BMP2K: variants seen among roughly 807,000 people sequenced by gnomAD.
BMP2K encodes BMP2 inducible kinase, also known as BMP-2-inducible protein kinase.
In BMP2K, 74 loss-of-function variants were observed where a neutral mutation model predicts 116.0. The observed-to-expected ratio is 0.64, with a 90% CI of 0.53 to 0.77. The LOEUF (loss-of-function observed/expected upper bound fraction) is 0.77, where lower values mean the gene tolerates loss of function less well. Ranked by LOEUF, BMP2K falls within the 30% of genes least tolerant of loss-of-function variation. The probability of loss-of-function intolerance (pLI) is 0.00; values close to 1 mark genes in which losing one functional copy is unlikely to be tolerated. For synonymous variants in BMP2K, 486 were observed against 502.5 expected (o/e 0.97, Z 0.44); for missense variants, 1,365 against 1,403.6 (o/e 0.97, Z 0.44).
Position 78,915,849 on chromosome 4 carries a change from T to C in BMP2K, c.*3816T>C, listed in dbSNP as rs897312972. 1 of 151,946 alleles carries C rather than the reference T, an allele frequency of 6.6e-6. No individual in the cohort carries two copies. The highest frequency in any genetic ancestry group is 2.4e-5 in the African/African-American group (1 of 41,432). 9.4% of individuals were successfully genotyped at this position (151,946 alleles called of 1,614,324 possible). On this transcript the variant is annotated 3_prime_UTR_variant, in exon 16 of 16. Coordinates refer to ENST00000502613, the MANE Select transcript of BMP2K (RefSeq NM_198892.2). The stretch of plus-strand genomic sequence containing the variant: ...TTTATACTGCTACTTTTGAAAGAAT[T>C]GTTTTTATGACTATGCTCTTTTTGT...
chr4:78,785,090 G>A (rs949460776), intron 1 of BMP2K, among the ~76,000 whole-genome samples: 18 of 152,012 alleles, frequency 1.2e-4, no homozygotes, highest in African/African-American at 4.3e-4. Flanking sequence ...TAATCCTAAA[G>A]TATGAAATTA....
chr4:78,796,302 C>T (rs1044757273), intron 1 of BMP2K, among the ~76,000 whole-genome samples: 11 of 148,026 alleles, frequency 7.4e-5, no homozygotes, highest in Admixed American at 2.1e-4. Flanking sequence ...AACCAAACAC[C>T]GCATATTCTC....
intron 14 of BMP2K, chr4:78,879,208 A>T (rs1560542826): frequency 9.5e-7 from 1 of 1,053,920 alleles, no homozygotes; most frequent in Admixed American, 5.6e-5. Context: ...ATAAAAAGGG[A>T]GACATTTTAT....
In BMP2K at chr4:78,912,007, G is replaced by A; in HGVS notation, c.3460G>A (p.Ala1154Thr). Reference protein sequence around the residue: ...SQPVELDPFGAAPFPSKQ With the variant: ...SQPVELDPFGTAPFPSKQ ...ACCAGTCGAATTAGACCCATTTGGT[G>A]CTGCTCCATTTCCTTCTAAACAGTA... is the stretch of plus-strand genomic sequence containing the variant. Residue 1154 changes from alanine to threonine, a missense_variant, in exon 16 of 16, where the codon GCT becomes ACT. By Grantham distance (58) the Ala-to-Thr change is moderately conservative (BLOSUM62 0). Around this residue, in one of 3 missense-constraint regions of BMP2K, gnomAD observed 596 missense variants for 623.2 expected, o/e 0.96. Coordinates refer to ENST00000502613, the MANE Select transcript of BMP2K (RefSeq NM_198892.2). The A allele has an allele frequency of 6.2e-7, 1 of 1,612,546 alleles. No homozygotes were observed. Among genetic ancestry groups the A allele is most frequent in the Non-Finnish European group, 8.5e-7 (1 of 1,179,052 alleles).
intron 1 of BMP2K, among the ~76,000 whole-genome samples, chr4:78,818,581 T>C (rs1729467722): frequency 6.6e-6 from 1 of 152,228 alleles, no homozygotes; most frequent in Non-Finnish European, 1.5e-5. Context: ...AAAAGTGTTT[T>C]ATAAGCTGAT....
At chr4:78,784,766 C>G (rs1440132921) in intron 1 of BMP2K, among the ~76,000 whole-genome samples, 1 of 152,164 alleles carries the variant, frequency 6.6e-6, no homozygotes, top group Non-Finnish European at 1.5e-5. Context: ...TTGGACGCAT[C>G]TATCGGGGAA....
intron 15 of BMP2K, among the ~76,000 whole-genome samples, chr4:78,894,363 C>T (rs1733592323): frequency 6.6e-6 from 1 of 152,192 alleles, no homozygotes; most frequent in South Asian, 2.1e-4. Context: ...AGTGTAGCCA[C>T]CTTCATCAGT....
chr4:78,825,502 A>C (rs1014099584), intron 1 of BMP2K, among the ~76,000 whole-genome samples: 1 of 152,240 alleles, frequency 6.6e-6, no homozygotes, highest in African/African-American at 2.4e-5. Context: ...GGCTGACTTT[A>C]CATGTTCAAT....
chr4:78,867,507 G>A (rs1732113680), intron 10 of BMP2K, among the ~76,000 whole-genome samples: 1 of 152,044 alleles, frequency 6.6e-6, no homozygotes, highest in Non-Finnish European at 1.5e-5. Flanking sequence ...GCTTAAGTTG[G>A]AAAAATGTTC....
intron 3 of BMP2K, among the ~76,000 whole-genome samples, chr4:78,840,415 GTCCC>G (rs1329397424): frequency 6.6e-6 from 1 of 152,052 alleles, no homozygotes; most frequent in African/African-American, 2.4e-5. Flanking sequence ...CCTGATCATT[GTCCC>G]TCCCTCTGTG....
At chr4:78,860,608 C>T (rs1731725253) in intron 8 of BMP2K, among the ~76,000 whole-genome samples, 1 of 151,744 alleles carries the variant, frequency 6.6e-6, no homozygotes, top group Non-Finnish European at 1.5e-5. Flanking sequence ...TGGTGTATGG[C>T]AAGTCTCTGC....
intron 15 of BMP2K, among the ~76,000 whole-genome samples, chr4:78,895,190 G>T (rs139367967): frequency 1.3e-5 from 2 of 152,328 alleles, no homozygotes; most frequent in African/African-American, 4.8e-5. Context: ...GGCAGTGATA[G>T]ACTTGTTCAA....
At chr4:78,892,123 A>G (rs1206260372) in intron 15 of BMP2K, among the ~76,000 whole-genome samples, 1 of 152,154 alleles carries the variant, frequency 6.6e-6, no homozygotes, top group African/African-American at 2.4e-5. Flanking sequence ...GAGTTGGGAA[A>G]TGTTACTTGT....
chr4:78,903,040 T>C (rs1734092327), intron 15 of BMP2K, among the ~76,000 whole-genome samples: 1 of 152,060 alleles, frequency 6.6e-6, no homozygotes. Flanking sequence ...CTTTTGAGTT[T>C]AGAATCCTTG....
chr4:78,835,612 A>AG (rs1730436058), intron 3 of BMP2K, among the ~76,000 whole-genome samples: 1 of 146,862 alleles, frequency 6.8e-6, no homozygotes, highest in African/African-American at 2.5e-5. Context: ...CTGGGCACAT[A>AG]GCGAGACTCC....
At chr4:78,831,120 G>T (rs886438062) in intron 2 of BMP2K, among the ~76,000 whole-genome samples, 1 of 152,314 alleles carries the variant, frequency 6.6e-6, no homozygotes, top group East Asian at 1.9e-4. Flanking sequence ...TATGACAGAG[G>T]GAACCCCAAG....
chr4:78,834,181 A>G (rs1222085307), intron 3 of BMP2K, among the ~76,000 whole-genome samples: 1 of 152,088 alleles, frequency 6.6e-6, no homozygotes, highest in East Asian at 1.9e-4. Flanking sequence ...TTTGGACCTA[A>G]TGTGATGTTT....
chr4:78,895,559 A>T (rs1577969413), intron 15 of BMP2K, among the ~76,000 whole-genome samples: 1 of 152,298 alleles, frequency 6.6e-6, no homozygotes, highest in East Asian at 1.9e-4. Flanking sequence ...CACCTAAAAA[A>T]AAAAGAGGTA....
chr4:78,895,392 G>A (rs1733649112), intron 15 of BMP2K, among the ~76,000 whole-genome samples: 1 of 152,128 alleles, frequency 6.6e-6, no homozygotes, highest in South Asian at 2.1e-4. Flanking sequence ...TGCTGAATTT[G>A]CCACATAGTT....
Sources: allele counts gnomAD v4.1 joint callset (sites outside exome capture counted in the v4.1 genomes callset), GRCh38; gene constraint gnomAD v4.1.1; regional missense constraint gnomAD v4.1.1; transcripts MANE v1.5; gene names NCBI Gene and HGNC (gene_info 2026-07-23, HGNC 2026-07-21).